The following PREX2 variants were observed in gnomAD, a reference collection of about 807,000 sequenced individuals.
PREX2 encodes the protein phosphatidylinositol 3,4,5-trisphosphate-dependent Rac exchanger 2 protein.
PREX2 carries 107 observed loss-of-function variants against 203.2 expected under a neutral mutation model. The observed-to-expected ratio is 0.53, with a 90% CI of 0.45 to 0.62. The LOEUF is 0.62. PREX2 is among the 20% of genes least tolerant of loss of function. The probability of loss-of-function intolerance (pLI) is 0.00; values close to 1 mark genes in which losing one functional copy is unlikely to be tolerated. For synonymous variants in PREX2, 672 were observed against 663.6 expected (o/e 1.01, Z -0.19); for missense variants, 1,777 against 1,955.9 (o/e 0.91, Z 1.72).
chr8:68,157,191 A>G, intron 34 of PREX2, 131 bp from the exon 35 acceptor site: 1 of 471,006 alleles, frequency 2.1e-6, no homozygotes, highest in Non-Finnish European at 3.8e-6. Context: ...TGGACCTAAC[A>G]TAGTTTTTTT....
chr8:68,197,681 C>T (rs966224374), intron 37 of PREX2, among the ~76,000 whole-genome samples: 1 of 149,160 alleles, frequency 6.7e-6, no homozygotes, highest in African/African-American at 2.5e-5. Context: ...CTGCCTTATA[C>T]TTGTGGCAGA....
chr8:68,064,513 TG>T (rs1377234570), intron 11 of PREX2, among the ~76,000 whole-genome samples: 1 of 147,168 alleles, frequency 6.8e-6, no homozygotes, highest in Non-Finnish European at 1.5e-5. Context: ...GGACCACAGG[TG>T]CACGCCACCA....
intron 1 of PREX2, among the ~76,000 whole-genome samples, chr8:67,964,464 T>C (rs1805714692): frequency 6.6e-6 from 1 of 152,242 alleles, no homozygotes; most frequent in Non-Finnish European, 1.5e-5. Flanking sequence ...TCATTTATAT[T>C]AATTATTGGA....
intron 10 of PREX2, among the ~76,000 whole-genome samples, chr8:68,059,210 G>A (rs953021868): frequency 1.3e-5 from 2 of 152,102 alleles, no homozygotes; most frequent in Non-Finnish European, 2.9e-5. Context: ...TCAAATGTTA[G>A]ACTTTTAAAA....
chr8:68,112,993 A>T (rs1810564817), intron 25 of PREX2, among the ~76,000 whole-genome samples: 1 of 152,206 alleles, frequency 6.6e-6, no homozygotes, highest in South Asian at 2.1e-4. Context: ...CAATGGCACA[A>T]GGAGAAGATT....
chr8:68,134,233 CA>C lies in PREX2; in HGVS notation c.3942del (p.Gly1315ValfsTer14). ...AGGTGGCTGGACCAGATAGCGAATG[CA>C]GGTGTTCTTTTTCACTTTCAGTCAC... is the stretch of plus-strand genomic sequence containing the variant. Reference protein sequence around the residue: ...SRRWLDQIANAGVLFHFQSLL... With the variant: ...SRRWLDQIANXGVLFHFQSLL... On this transcript the variant is annotated frameshift_variant, in exon 32 of 40. Transcript: ENST00000288368. LOFTEE classifies it high-confidence loss of function. 6.2e-7 allele frequency: 1 copy of C among 1,614,100 alleles called. No individual in the cohort carries two copies. Among genetic ancestry groups the C allele is most frequent in the Non-Finnish European group, 8.5e-7 (1 of 1,179,982 alleles).
intron 19 of PREX2, among the ~76,000 whole-genome samples, 198 bp from the exon 20 acceptor site, chr8:68,090,381 C>G (rs1809831673): frequency 6.6e-6 from 1 of 152,104 alleles, no homozygotes; most frequent in Admixed American, 6.5e-5. Flanking sequence ...GAGAAATATT[C>G]TATTGATCAC....
At chr8:68,164,886 CTTT>C (rs71554623) in intron 35 of PREX2, among the ~76,000 whole-genome samples, 3 of 133,780 alleles carry the variant, frequency 2.2e-5, no homozygotes, top group Non-Finnish European at 1.6e-5. Flanking sequence ...CCGGCCAAAC[CTTT>C]TTTTTTTTTT....
intron 9 of PREX2, among the ~76,000 whole-genome samples, chr8:68,053,576 C>T (rs1476117001): frequency 6.6e-6 from 1 of 151,952 alleles, no homozygotes; most frequent in Non-Finnish European, 1.5e-5. Flanking sequence ...ATTTTCTTTG[C>T]ATTTTATTCT....
chr8:68,093,305 G>A (rs928030587), intron 20 of PREX2, among the ~76,000 whole-genome samples: 10 of 148,934 alleles, frequency 6.7e-5, no homozygotes, highest in East Asian at 6.0e-4. Flanking sequence ...CAGGAGAATC[G>A]CTTGAATCAG....
chr8:68,013,911 T>C (rs967270857), intron 1 of PREX2, among the ~76,000 whole-genome samples: 7 of 152,196 alleles, frequency 4.6e-5, no homozygotes, highest in Non-Finnish European at 1.0e-4. Flanking sequence ...AAATTCAGAT[T>C]GGCATCGGGT....
chr8:68,189,279 A>G (rs919821050), intron 35 of PREX2, among the ~76,000 whole-genome samples: 1 of 152,294 alleles, frequency 6.6e-6, no homozygotes, highest in Middle Eastern at 3.4e-3. Context: ...TCTTCTGGCA[A>G]TGAGGCAAGT....
Position 68,080,602 on chromosome 8 carries a change from G to A in PREX2, c.1785+17G>A, listed in dbSNP as rs1448187840. 2 of 1,568,148 alleles carry A rather than the reference G, an allele frequency of 1.3e-6. No individual in the cohort carries two copies. Among genetic ancestry groups the A allele is most frequent in the Non-Finnish European group, 8.7e-7 (1 of 1,149,508 alleles). On this transcript the variant is annotated intron_variant, in intron 16 of 39. Transcript: ENST00000288368. ...TCATTATTGGTAAGTTTATTGATATGTTATATAAGTTTTCTTCTTGATTAG... is the reference window on the plus strand; with the variant it reads ...TCATTATTGGTAAGTTTATTGATATATTATATAAGTTTTCTTCTTGATTAG...
At chr8:68,043,546 G>GTGTC (rs894422426) in intron 7 of PREX2, among the ~76,000 whole-genome samples, 20 of 152,068 alleles carry the variant, frequency 1.3e-4, no homozygotes, top group African/African-American at 4.1e-4. Context: ...TGTGCTAGGT[G>GTGTC]TGTCTACATA....
chr8:68,231,332 G>T lies in PREX2; in HGVS notation c.4776-1G>T. On this transcript the variant is annotated splice_acceptor_variant, in intron 39 of 39. Coordinates refer to ENST00000288368, the MANE Select transcript of PREX2 (RefSeq NM_024870.4). LOFTEE classifies it high-confidence loss of function. ...GTCAAACTTTACCATGCCTTTTCTA[G>T]GCTGTACAAGCTGTGCGAGCCACCT... is the stretch of plus-strand genomic sequence containing the variant. 1 of 1,591,140 alleles carries T rather than the reference G, an allele frequency of 6.3e-7. No homozygotes were observed. Among genetic ancestry groups the T allele is most frequent in the Non-Finnish European group, 8.5e-7 (1 of 1,171,372 alleles).
chr8:68,005,382 G>T (rs1331836148), intron 1 of PREX2, among the ~76,000 whole-genome samples: 1 of 152,092 alleles, frequency 6.6e-6, no homozygotes, highest in African/African-American at 2.4e-5. Flanking sequence ...AGTTCTCCAC[G>T]AAGTAGCTGG....
chr8:68,079,962 G>A (rs1377302071), intron 15 of PREX2, among the ~76,000 whole-genome samples: 1 of 147,554 alleles, frequency 6.8e-6, no homozygotes, highest in Non-Finnish European at 1.5e-5. Flanking sequence ...TGGAACAAAA[G>A]TGAACACAAT....
At chr8:68,146,771 G>A (rs2129613674) in intron 34 of PREX2, among the ~76,000 whole-genome samples, 1 of 152,242 alleles carries the variant, frequency 6.6e-6, no homozygotes, top group Middle Eastern at 3.4e-3. Flanking sequence ...CTACATATAT[G>A]TATGTTAAAT....
At chr8:68,027,406 G>A in intron 5 of PREX2, 83 bp downstream of exon 5, 3 of 895,378 alleles carry the variant, frequency 3.4e-6, no homozygotes, top group East Asian at 2.5e-5. Context: ...TTATTTTAAT[G>A]AGTCTGATAT....
Sources: allele counts gnomAD v4.1 joint callset (sites outside exome capture counted in the v4.1 genomes callset), GRCh38; gene constraint gnomAD v4.1.1; transcripts MANE v1.5; gene names NCBI Gene and HGNC (gene_info 2026-07-23, HGNC 2026-07-21).